Variants in KCNK10 observed in about 807,000 individuals in gnomAD.
KCNK10 encodes the protein potassium two pore domain channel subfamily K member 10, also known as potassium channel subfamily K member 10.
A neutral mutation model predicts 47.7 loss-of-function variants in KCNK10; 25 were observed. The observed-to-expected ratio is 0.52, with a 90% CI of 0.38 to 0.73. The LOEUF (loss-of-function observed/expected upper bound fraction) is 0.73. KCNK10 is among the 30% of genes least tolerant of loss of function. The pLI, the probability that KCNK10 is intolerant of heterozygous loss-of-function variation, is 0.00. For synonymous variants in KCNK10, 303 were observed against 285.6 expected (o/e 1.06, Z -0.61); for missense variants, 563 against 714.5 (o/e 0.79, Z 2.42).
intron 4 of KCNK10, among the ~76,000 whole-genome samples, chr14:88,193,769 T>G (rs1482337786): frequency 6.6e-6 from 1 of 152,236 alleles, no homozygotes; most frequent in East Asian, 1.9e-4. Flanking sequence ...ATTAGAATTC[T>G]GATGTAATTA....
chr14:88,201,011 G>A (rs1265009735), intron 4 of KCNK10, among the ~76,000 whole-genome samples: 1 of 152,202 alleles, frequency 6.6e-6, no homozygotes, highest in Non-Finnish European at 1.5e-5. Context: ...CGTAGTAAAG[G>A]GAGTTGTTGC....
intron 6 of KCNK10, 34 bp downstream of exon 6, chr14:88,187,933 C>T: frequency 1.2e-6 from 2 of 1,612,168 alleles, no homozygotes; most frequent in Non-Finnish European, 8.5e-7. Context: ...CATCTGTTCT[C>T]AGGAACATTC....
chr14:88,205,575 T>C (rs1423023623), intron 4 of KCNK10, among the ~76,000 whole-genome samples: 1 of 147,846 alleles, frequency 6.8e-6, no homozygotes. Context: ...GATGGAGTCT[T>C]ACTCTGTCAC....
upstream of KCNK10, chr14:88,326,279 C>A (rs1456319699): frequency 4.6e-6 from 3 of 649,382 alleles, no homozygotes; most frequent in African/African-American, 3.8e-5. Context: ...TCCTCAACTG[C>A]GTATTTGGAG....
At chr14:88,204,614 G>A (rs1483400636) in intron 4 of KCNK10, among the ~76,000 whole-genome samples, 1 of 143,752 alleles carries the variant, frequency 7.0e-6, no homozygotes, top group African/African-American at 2.6e-5. Context: ...CAGGCAGGTA[G>A]TTGCTGACCC....
At chr14:88,192,807 G>A (rs1263079376) in intron 4 of KCNK10, among the ~76,000 whole-genome samples, 2 of 152,180 alleles carry the variant, frequency 1.3e-5, no homozygotes, top group Admixed American at 1.3e-4. Context: ...CACCATTCGT[G>A]AGAATGAGTT....
intron 4 of KCNK10, among the ~76,000 whole-genome samples, chr14:88,226,387 A>G (rs912715521): frequency 1.2e-4 from 18 of 152,190 alleles, no homozygotes; most frequent in South Asian, 2.1e-4. Context: ...AAAGTTTAAG[A>G]GTTCTTAGAG....
intron 3 of KCNK10, among the ~76,000 whole-genome samples, chr14:88,238,170 T>C (rs1379515684): frequency 6.6e-6 from 1 of 152,240 alleles, no homozygotes; most frequent in Non-Finnish European, 1.5e-5. Flanking sequence ...CAAACTTTTC[T>C]TCTGAAGCCT....
chr14:88,323,786 C>T (rs1001763607), upstream of KCNK10: 2 of 152,178 alleles, frequency 1.3e-5, no homozygotes, highest in East Asian at 1.9e-4. Context: ...CAGACCTCGG[C>T]CTCCGGGTCA....
intron 1 of KCNK10, among the ~76,000 whole-genome samples, chr14:88,265,332 G>A (rs1381499696): frequency 6.6e-6 from 1 of 152,046 alleles, no homozygotes; most frequent in Non-Finnish European, 1.5e-5. Context: ...TAAGAAGGAA[G>A]CAGGAGGGCC....
intron 1 of KCNK10, among the ~76,000 whole-genome samples, chr14:88,309,963 C>A (rs72694046): frequency 1.3e-5 from 2 of 152,002 alleles, no homozygotes; most frequent in Admixed American, 6.5e-5. Context: ...TGACTTCCCC[C>A]CTTCCCACTT....
At chr14:88,283,308 CTCTT>C (rs1377863799) in intron 1 of KCNK10, among the ~76,000 whole-genome samples, 2 of 152,176 alleles carry the variant, frequency 1.3e-5, no homozygotes, top group Non-Finnish European at 2.9e-5. Flanking sequence ...GTGGAATAAA[CTCTT>C]TCTCTTTTTT....
Position 88,186,556 on chromosome 14 carries a change from A to G in KCNK10, c.1012-401T>C, listed in dbSNP as rs1884568560. Among the ~76,000 whole-genome samples the G allele has an allele frequency of 6.6e-6, 1 of 152,134 alleles. No individual in the cohort carries two copies. The highest frequency in any genetic ancestry group is 2.1e-4 in the South Asian group (1 of 4,822). On this transcript the variant is annotated intron_variant, in intron 6 of 6. Coordinates refer to ENST00000319231, the MANE Select transcript of KCNK10 (RefSeq NM_138317.3). This position sits in a 1 kb window ranked among gnomAD's most constrained non-coding sequence, Gnocchi z 5.5. ...AGTGACCATATATAGCTCACCTGAG[A>G]CAAGGAAATGCACCTCACTCAGTCC...
chr14:88,297,949 A>G (rs139509166), intron 1 of KCNK10, among the ~76,000 whole-genome samples: 157 of 152,308 alleles, frequency 1.0e-3, no homozygotes, highest in African/African-American at 3.7e-3. Flanking sequence ...CCAAATCTCA[A>G]AGCTGCTCGT....
At chr14:88,308,749 C>T (rs933945429) in intron 1 of KCNK10, among the ~76,000 whole-genome samples, 1 of 152,250 alleles carries the variant, frequency 6.6e-6, no homozygotes, top group African/African-American at 2.4e-5. Context: ...TCCTAATTAA[C>T]ACAGATTCTT....
At chr14:88,303,417 C>G (rs1481078779) in intron 1 of KCNK10, among the ~76,000 whole-genome samples, 1 of 151,980 alleles carries the variant, frequency 6.6e-6, no homozygotes, top group Non-Finnish European at 1.5e-5. Flanking sequence ...GTGGTGGTGG[C>G]TTGGAAAGAA....
chr14:88,303,250 A>G (rs186404421), intron 1 of KCNK10, among the ~76,000 whole-genome samples: 131 of 152,324 alleles, frequency 8.6e-4, no homozygotes, highest in African/African-American at 3.0e-3. Flanking sequence ...GTGAGAACGT[A>G]ACTCTCTTAA....
At chr14:88,198,930 A>ATTTT (rs1469218040) in intron 4 of KCNK10, among the ~76,000 whole-genome samples, 1 of 148,592 alleles carries the variant, frequency 6.7e-6, no homozygotes, top group Admixed American at 6.7e-5. Context: ...ATTTTATTTT[A>ATTTT]TTTTTTTGAG....
chr14:88,196,706 G>A (rs1222301454), intron 4 of KCNK10, among the ~76,000 whole-genome samples: 1 of 152,168 alleles, frequency 6.6e-6, no homozygotes. Flanking sequence ...AACATGCAGA[G>A]CTCAGTTTAC....
Sources: allele counts gnomAD v4.1 joint callset (sites outside exome capture counted in the v4.1 genomes callset), GRCh38; gene constraint gnomAD v4.1.1; non-coding constraint Gnocchi (gnomAD v3.1); transcripts MANE v1.5; gene names NCBI Gene and HGNC (gene_info 2026-07-23, HGNC 2026-07-21).